The following PCDHA5 variants were observed in gnomAD, a reference collection of about 807,000 sequenced individuals.
PCDHA5 encodes the protein protocadherin alpha-5.
PCDHA5 carries 43 observed loss-of-function variants against 61.6 expected under a neutral mutation model. That is an observed-to-expected ratio of 0.70 (90% CI 0.55 to 0.90). The LOEUF (loss-of-function observed/expected upper bound fraction) is 0.90. Among genes scored for constraint, PCDHA5 ranks in the 40% least tolerant of loss-of-function variants. The pLI is 0.00. For synonymous variants in PCDHA5, 627 were observed against 543.9 expected, an observed-to-expected ratio of 1.15 and a Z score of -2.13; for missense variants, 1,298 against 1,222.7, an observed-to-expected ratio of 1.06 and a Z score of -0.92.
chr5:140,983,900 G>T (rs1345141422), intron 3 of PCDHA5, among the ~76,000 whole-genome samples: 1 of 152,198 alleles, frequency 6.6e-6, no homozygotes, highest in Admixed American at 6.5e-5. Context: ...GGCATTCGTT[G>T]ATTCTAATCA....
rs1190027185 is a variant in PCDHA5, at chr5:140,882,058, C to T, written c.2352+57931C>T. On this transcript the variant is annotated intron_variant, in intron 1 of 3. Transcript: ENST00000529859. ...GAAGACTGAGTCATACTTACACTTA[C>T]ACGTTCATGCGCATGGTGTCGCTCT... is the stretch of plus-strand genomic sequence containing the variant. 1.0e-5 allele frequency: 8 copies of T among 794,854 alleles called. No individual in the cohort carries two copies. The Admixed American group carries it at 2.4e-4, about 24-fold the overall frequency. The allele number at this position is 794,854 out of a possible 1,614,324, so 49.2% of individuals were successfully genotyped here.
intron 1 of PCDHA5, chr5:140,857,987 C>T: frequency 6.3e-7 from 1 of 1,596,876 alleles, no homozygotes; most frequent in Admixed American, 1.7e-5. Context: ...CCAGCGCCTA[C>T]TGGTGCTGGT....
chr5:140,841,754 T>C (rs1777466378), intron 1 of PCDHA5: 2 of 1,613,818 alleles, frequency 1.2e-6, no homozygotes, highest in South Asian at 2.2e-5. Context: ...TGTTTCAGAA[T>C]CCAGAATGCC....
intron 3 of PCDHA5, among the ~76,000 whole-genome samples, chr5:140,997,397 A>G (rs782082443): frequency 4.6e-5 from 7 of 152,194 alleles, no homozygotes; most frequent in African/African-American, 7.2e-5. Flanking sequence ...CTTAGGCTCT[A>G]TCGTATGGCC....
rs2150440099 is a variant in PCDHA5 at position 140,849,547 on chromosome 5, C to T, written c.2352+25420C>T. The T allele has an allele frequency of 7.5e-5, 120 of 1,598,270 alleles. 12 individuals are homozygous for T. Among genetic ancestry groups the T allele is most frequent in the Non-Finnish European group, 6.2e-5 (72 of 1,167,888 alleles). ...GTAAATGACAATGCTCCACAGTTGA[C>T]TATCAAAACGCTCTCGGTTCCTGTA... On this transcript the variant is annotated intron_variant, in intron 1 of 3. Coordinates refer to ENST00000529859, the MANE Select transcript of PCDHA5 (RefSeq NM_018908.3).
At position 140,993,525 on chromosome 5, in the gene PCDHA5, G is replaced by C. The variant is rs573802745; in HGVS notation, c.2500+10962G>C. On this transcript the variant is annotated intron_variant, in intron 3 of 3. Coordinates refer to ENST00000529859, the MANE Select transcript of PCDHA5 (RefSeq NM_018908.3). Reference sequence around the variant, plus strand: ...ACACACACACGGGGAGAGAGAGACAGAGAGAGAGAGAGATAGAGAAGTGAA... The same window carrying C: ...ACACACACACGGGGAGAGAGAGACACAGAGAGAGAGAGATAGAGAAGTGAA... Among the ~76,000 whole-genome samples the C allele has an allele frequency of 4.8e-5, 7 of 147,308 alleles. No homozygotes were observed. The East Asian group carries it at 1.2e-3, about 24-fold the overall frequency.
intron 1 of PCDHA5, chr5:140,849,923 G>A (rs145904051): frequency 6.3e-7 from 1 of 1,598,322 alleles, no homozygotes; most frequent in Middle Eastern, 1.7e-4. Context: ...ACATCTTCAC[G>A]GTGTCTGCGC....
intron 3 of PCDHA5, among the ~76,000 whole-genome samples, chr5:140,991,900 A>G (rs137964856): frequency 9.8e-4 from 149 of 152,250 alleles, no homozygotes; most frequent in African/African-American, 3.0e-3. Context: ...TTAACACAAA[A>G]TCCCTTTTGC....
rs547015879 is a variant in PCDHA5 at position 140,902,341 on chromosome 5, G to A, written c.2353-76608G>A. 1.8e-3 allele frequency among the ~76,000 whole-genome samples: 276 copies of A among 151,446 alleles called. 1 individual carries two copies. The highest frequency in any genetic ancestry group is 3.7e-3 in the Non-Finnish European group (250 of 67,812). The stretch of plus-strand genomic sequence containing the variant: ...GTGTAACTCACTTCGCCTGGCCTAG[G>A]AAGCCCTTTATTTCTTTCTCTTGTC... On this transcript the variant is annotated intron_variant, in intron 1 of 3. Transcript: ENST00000529859.
intron 3 of PCDHA5, among the ~76,000 whole-genome samples, chr5:140,986,408 C>G (rs1587158509): frequency 6.6e-6 from 1 of 152,176 alleles, no homozygotes; most frequent in East Asian, 1.9e-4. Context: ...GCTCATGTTA[C>G]AGCTCTTTTT....
intron 1 of PCDHA5, among the ~76,000 whole-genome samples, chr5:140,895,744 G>T (rs534394379): frequency 6.6e-6 from 1 of 152,182 alleles, no homozygotes; most frequent in Admixed American, 6.5e-5. Flanking sequence ...GCTGCAAAGG[G>T]CATGATCTTT....
chr5:140,835,928 C>G (rs2150248518), intron 1 of PCDHA5: 1 of 1,612,452 alleles, frequency 6.2e-7, no homozygotes, highest in Non-Finnish European at 8.5e-7. Context: ...CGGAGAGCGG[C>G]AAGGTGTACG....
At chr5:141,007,325 C>G (rs1303133451) in intron 3 of PCDHA5, among the ~76,000 whole-genome samples, 2 of 145,322 alleles carry the variant, frequency 1.4e-5, no homozygotes, top group Non-Finnish European at 3.0e-5. Flanking sequence ...CTAAAGTGGA[C>G]AGATTGCCTG....
intron 1 of PCDHA5, among the ~76,000 whole-genome samples, chr5:140,959,874 A>G (rs1360001985): frequency 1.3e-5 from 2 of 152,236 alleles, no homozygotes; most frequent in Non-Finnish European, 2.9e-5. Flanking sequence ...AAATCTGTCA[A>G]GGAATACACG....
intron 1 of PCDHA5, chr5:140,882,004 C>CA (rs1296948506): frequency 1.0e-5 from 5 of 496,760 alleles, no homozygotes; most frequent in Non-Finnish European, 1.7e-5. Flanking sequence ...ATGCAAGGGG[C>CA]AAAAAAATAC....
At position 140,869,505 on chromosome 5, in the gene PCDHA5, G is replaced by A. The variant is rs376431150; in HGVS notation, c.2352+45378G>A. On this transcript the variant is annotated intron_variant, in intron 1 of 3. Coordinates refer to ENST00000529859, the MANE Select transcript of PCDHA5 (RefSeq NM_018908.3). ...TTAACGACAACCCGCCGGTGTTCTCGCTCAGAGAACAAAAGCTGCTGATTG... is the reference window on the plus strand; with the variant it reads ...TTAACGACAACCCGCCGGTGTTCTCACTCAGAGAACAAAAGCTGCTGATTG... 89 of 1,614,192 alleles carry A rather than the reference G, an allele frequency of 5.5e-5. No individual in the cohort carries two copies. In the African/African-American group the frequency reaches 1.1e-3, roughly 19 times the overall value.
At chr5:140,912,125 T>C (rs1197015933) in intron 1 of PCDHA5, among the ~76,000 whole-genome samples, 1 of 152,160 alleles carries the variant, frequency 6.6e-6, no homozygotes, top group East Asian at 1.9e-4. Flanking sequence ...GCTAAGTCAG[T>C]CTAATCTCTC....
intron 1 of PCDHA5, chr5:140,869,960 C>G: frequency 6.2e-7 from 1 of 1,612,264 alleles, no homozygotes; most frequent in Non-Finnish European, 8.5e-7. Flanking sequence ...TCAATTAAGC[C>G]CAATGGAAGA....
At chr5:140,967,718 C>G (rs959323631) in intron 1 of PCDHA5, 1 of 1,613,988 alleles carries the variant, frequency 6.2e-7, no homozygotes, top group Non-Finnish European at 8.5e-7. Flanking sequence ...CGGGGAAGTG[C>G]GAGTAATTGG....
Sources: allele counts gnomAD v4.1 joint callset (sites outside exome capture counted in the v4.1 genomes callset), GRCh38; gene constraint gnomAD v4.1.1; transcripts MANE v1.5; gene names NCBI Gene and HGNC (gene_info 2026-07-23, HGNC 2026-07-21).